The following RBFOX3 variants were observed in gnomAD, a reference collection of about 807,000 sequenced individuals.
RBFOX3 encodes RNA binding fox-1 homolog 3.
A neutral mutation model predicts 48.7 loss-of-function variants in RBFOX3; 17 were observed. The observed-to-expected ratio is 0.35, with a 90% CI of 0.24 to 0.52. RBFOX3 has a LOEUF of 0.52. RBFOX3 is among the 20% of genes least tolerant of loss of function. The pLI is 0.94. For missense variants in RBFOX3, 382 were observed against 497.5 expected (o/e 0.77, Z 2.21); for synonymous variants, 212 against 209.5 (o/e 1.01, Z -0.10).
In RBFOX3 at chr17:79,220,315, C is replaced by T. The variant is rs2059576664; in HGVS notation, c.-34+15451G>A. Among the ~76,000 whole-genome samples, 1 of 152,224 alleles carries T rather than the reference C, an allele frequency of 6.6e-6. No homozygotes were observed. The highest frequency in any genetic ancestry group is 1.5e-5 in the Non-Finnish European group (1 of 68,034). ...GGGGCTTGGTCCCCCAACGCTGGCA[C>T]TCAGTTTAGCTGTCACTTGCAGCTG... On this transcript the variant is annotated intron_variant, in intron 4 of 14. Transcript: ENST00000693108. This position sits in a 1 kb window ranked among gnomAD's most constrained non-coding sequence, Gnocchi z 5.9.
intron 2 of RBFOX3, among the ~76,000 whole-genome samples, chr17:79,410,961 C>T: frequency 6.6e-6 from 1 of 152,218 alleles, no homozygotes; most frequent in East Asian, 1.9e-4. Flanking sequence ...CTCTGCACCA[C>T]ACGGCTGGGC....
At chr17:79,580,215 C>T (rs2093008650) in intron 1 of RBFOX3, among the ~76,000 whole-genome samples, 1 of 151,468 alleles carries the variant, frequency 6.6e-6, no homozygotes, top group African/African-American at 2.4e-5. Context: ...GTCCCTGCCC[C>T]AGTCCCACCA....
At chr17:79,570,545 C>T (rs2092638086) in intron 1 of RBFOX3, among the ~76,000 whole-genome samples, 1 of 152,200 alleles carries the variant, frequency 6.6e-6, no homozygotes, top group Non-Finnish European at 1.5e-5. Context: ...AGTCTAAGAA[C>T]TTCTGAGCGG....
intron 1 of RBFOX3, among the ~76,000 whole-genome samples, chr17:79,509,951 C>A (rs909295221): frequency 6.6e-6 from 1 of 152,236 alleles, no homozygotes; most frequent in African/African-American, 2.4e-5. Flanking sequence ...GGAGAGGAGG[C>A]ACAACCAAAT....
chr17:79,296,493 A>G (rs1332672388), intron 3 of RBFOX3, among the ~76,000 whole-genome samples: 1 of 152,138 alleles, frequency 6.6e-6, no homozygotes, highest in Admixed American at 6.5e-5. Context: ...AAAGGGACAC[A>G]CTGAAGAACA....
chr17:79,117,115 T>C (rs1307165836), intron 4 of RBFOX3, among the ~76,000 whole-genome samples: 1 of 152,102 alleles, frequency 6.6e-6, no homozygotes, highest in Non-Finnish European at 1.5e-5. Context: ...CTCGCTGTCC[T>C]CCACTGCAGA....
chr17:79,410,450 C>T (rs910926473), intron 2 of RBFOX3, among the ~76,000 whole-genome samples: 1 of 152,108 alleles, frequency 6.6e-6, no homozygotes, highest in African/African-American at 2.4e-5. Flanking sequence ...GGCAGGGGGG[C>T]GGTCATTAAG....
At chr17:79,340,681 A>G (rs1568072749) in intron 2 of RBFOX3, among the ~76,000 whole-genome samples, 1 of 152,188 alleles carries the variant, frequency 6.6e-6, no homozygotes, top group South Asian at 2.1e-4. Flanking sequence ...AGACGCAAGC[A>G]CTTGCAGTTT....
At chr17:79,375,198 AGAG>A (rs2059069726) in intron 2 of RBFOX3, among the ~76,000 whole-genome samples, 2 of 152,242 alleles carry the variant, frequency 1.3e-5, no homozygotes, top group Admixed American at 1.3e-4. Context: ...AGGAGATTCC[AGAG>A]AAGAGTCAGT....
intron 1 of RBFOX3, among the ~76,000 whole-genome samples, chr17:79,560,662 C>T (rs1354454949): frequency 1.3e-5 from 2 of 152,156 alleles, no homozygotes; most frequent in Non-Finnish European, 2.9e-5. Flanking sequence ...GCTGTCACAG[C>T]AACCTCACCT....
intron 3 of RBFOX3, among the ~76,000 whole-genome samples, chr17:79,236,292 T>TTTTA (rs951210622): frequency 6.6e-6 from 1 of 152,070 alleles, no homozygotes; most frequent in African/African-American, 2.4e-5. Flanking sequence ...TGCACATTCA[T>TTTTA]TTTATTTATT....
At chr17:79,094,063 C>T (rs550149706) in intron 14 of RBFOX3, among the ~76,000 whole-genome samples, 4 of 152,270 alleles carry the variant, frequency 2.6e-5, no homozygotes, top group South Asian at 4.1e-4. Context: ...GAAACAGCCC[C>T]GGGGCCTTGG....
intron 14 of RBFOX3, among the ~76,000 whole-genome samples, chr17:79,093,202 C>T (rs1197196588): frequency 2.0e-5 from 3 of 152,138 alleles, no homozygotes; most frequent in Non-Finnish European, 4.4e-5. Flanking sequence ...CTGGGGAGAG[C>T]GGGTCCTGGA....
rs1234489810 is a variant in RBFOX3 at position 79,363,272 on chromosome 17, T to C, written c.-174-55448A>G. On this transcript the variant is annotated intron_variant, in intron 2 of 14. Transcript: ENST00000693108. This position sits in a 1 kb window ranked among gnomAD's most constrained non-coding sequence, Gnocchi z 4.7. ...GCTCACGGGTGACAGTTAGGGTCAA[T>C]GTGCAGAAGAACCAGGGGACTCTTT... is the stretch of plus-strand genomic sequence containing the variant. Among the ~76,000 whole-genome samples the C allele has an allele frequency of 2.0e-5, 3 of 152,080 alleles. No individual in the cohort carries two copies. Among genetic ancestry groups the C allele is most frequent in the African/African-American group, 7.2e-5 (3 of 41,406 alleles).
chr17:79,218,925 G>A (rs751074801), intron 4 of RBFOX3, among the ~76,000 whole-genome samples: 10 of 152,334 alleles, frequency 6.6e-5, no homozygotes, highest in Admixed American at 5.2e-4. Context: ...GGTGACCAGC[G>A]GTGAGCTTGA....
At chr17:79,596,261 C>T (rs1165505481) in intron 1 of RBFOX3, among the ~76,000 whole-genome samples, 1 of 152,212 alleles carries the variant, frequency 6.6e-6, no homozygotes, top group African/African-American at 2.4e-5. Context: ...TGATGCAGAG[C>T]CCAACTGAAC....
In RBFOX3 at chr17:79,420,128, TACACACACACACACACACAC is replaced by T. The variant is rs58282867; in HGVS notation, c.-175+62306_-175+62325del. ...GGCAACAGAGCAAGACTCCGTCTCATACACACACACACACACACACACACACACACACACACACACACACA... is the reference window on the plus strand; with the variant it reads ...GGCAACAGAGCAAGACTCCGTCTCATACACACACACACACACACACACACA... On this transcript the variant is annotated intron_variant, in intron 2 of 14. Transcript: ENST00000693108. Among the ~76,000 whole-genome samples the T allele has an allele frequency of 2.4e-3, 276 of 114,364 alleles. 2 individuals carry two copies. Among genetic ancestry groups the T allele is most frequent in the African/African-American group, 9.3e-3 (265 of 28,350 alleles). The allele number at this position is 114,364 out of a possible 152,430, so 75.0% of individuals were successfully genotyped here. A position where few individuals can be genotyped will look rare whatever the true frequency, so the allele number is the denominator to read the frequency against.
At chr17:79,262,302 C>T (rs1200742575) in intron 3 of RBFOX3, among the ~76,000 whole-genome samples, 7 of 152,162 alleles carry the variant, frequency 4.6e-5, no homozygotes, top group Non-Finnish European at 8.8e-5. Context: ...TGGGGGGCCC[C>T]GGACAGGGGC....
intron 3 of RBFOX3, among the ~76,000 whole-genome samples, chr17:79,273,112 G>A (rs1403210912): frequency 6.6e-6 from 1 of 152,178 alleles, no homozygotes; most frequent in African/African-American, 2.4e-5. Flanking sequence ...TGACTACCAG[G>A]AGTCCCTGGC....
Sources: allele counts gnomAD v4.1 joint callset (sites outside exome capture counted in the v4.1 genomes callset), GRCh38; gene constraint gnomAD v4.1.1; non-coding constraint Gnocchi (gnomAD v3.1); transcripts MANE v1.5; gene names NCBI Gene and HGNC (gene_info 2026-07-23, HGNC 2026-07-21).